The following ETFB variants were observed in gnomAD, a reference collection of about 807,000 sequenced individuals.
The protein encoded by ETFB is beta-ETF.
Under a neutral mutation model 25.6 loss-of-function variants are expected in ETFB, and 20 were observed. The observed-to-expected ratio is 0.78, with a 90% confidence interval of 0.55 to 1.14. The LOEUF (loss-of-function observed/expected upper bound fraction) is 1.14, where lower values mean the gene tolerates loss of function less well. Among genes scored for constraint, ETFB ranks in the 50% most tolerant of loss-of-function variants. ETFB has a pLI of 0.00. For missense variants in ETFB, 286 were observed against 342.6 expected, an observed-to-expected ratio of 0.83 and a Z score of 1.30; for synonymous variants, 142 against 146.7, an observed-to-expected ratio of 0.97 and a Z score of 0.23.
chr19:51,360,796 T>C (rs1334220128), intron 1 of ETFB, among the ~76,000 whole-genome samples: 1 of 152,128 alleles, frequency 6.6e-6, no homozygotes, highest in African/African-American at 2.4e-5. Flanking sequence ...CTCTTTCTCT[T>C]TCTTTTTGAT....
chr19:51,348,536 C>T (rs1985851932), intron 4 of ETFB: 1 of 152,166 alleles, frequency 6.6e-6, no homozygotes, highest in African/African-American at 2.4e-5. Context: ...GAGCAGCTTG[C>T]TTGAGCCCAG....
chr19:51,351,580 C>T (rs1441660800), intron 3 of ETFB, among the ~76,000 whole-genome samples: 1 of 152,246 alleles, frequency 6.6e-6, no homozygotes, highest in Non-Finnish European at 1.5e-5. Context: ...ATGCAGGGGG[C>T]TGCAAAGGCC....
intron 4 of ETFB, 169 bp downstream of exon 4, chr19:51,350,160 G>A (rs1985896782): frequency 7.1e-6 from 5 of 705,090 alleles, no homozygotes; most frequent in African/African-American, 3.5e-5. Flanking sequence ...CTTTGAAGAG[G>A]TGATACCTCA....
chr19:51,351,696 C>A (rs900171535), intron 3 of ETFB, among the ~76,000 whole-genome samples: 2 of 152,212 alleles, frequency 1.3e-5, no homozygotes, highest in Admixed American at 6.5e-5. Context: ...TACTCTGATG[C>A]CCCTGCTGTT....
At chr19:51,349,122 C>A (rs1212914483) in intron 4 of ETFB, among the ~76,000 whole-genome samples, 2 of 152,006 alleles carry the variant, frequency 1.3e-5, no homozygotes, top group Non-Finnish European at 2.9e-5. Context: ...ATAAAATGTG[C>A]TTTATGTTAG....
chr19:51,352,859 C>T (rs1177748476), intron 3 of ETFB, among the ~76,000 whole-genome samples: 1 of 152,158 alleles, frequency 6.6e-6, no homozygotes, highest in African/African-American at 2.4e-5. Flanking sequence ...AACTCTCGAC[C>T]TCAAGTGATC....
intron 1 of ETFB, chr19:51,354,561 T>C (rs1986028822): frequency 6.2e-7 from 1 of 1,614,228 alleles, no homozygotes; most frequent in East Asian, 2.2e-5. Flanking sequence ...TCCCTACTGT[T>C]GTCACTGCTC....
intron 1 of ETFB, 42 bp downstream of exon 1, chr19:51,366,228 G>A (rs771793144): frequency 5.6e-6 from 9 of 1,599,838 alleles, no homozygotes; most frequent in East Asian, 4.5e-5. Flanking sequence ...GGAAGCACAC[G>A]GCTGCGGGAC....
At chr19:51,357,578 C>A (rs1357329243) in intron 1 of ETFB, among the ~76,000 whole-genome samples, 1 of 149,912 alleles carries the variant, frequency 6.7e-6, no homozygotes, top group African/African-American at 2.5e-5. Flanking sequence ...CAACCTCTGC[C>A]TCCCCAGTTC....
intron 3 of ETFB, among the ~76,000 whole-genome samples, chr19:51,352,843 A>G (rs1385864482): frequency 6.6e-6 from 1 of 152,000 alleles, no homozygotes; most frequent in African/African-American, 2.4e-5. Flanking sequence ...GGCCACGCTA[A>G]TCTCAAACTC....
At chr19:51,359,965 G>T (rs1454611967) in intron 1 of ETFB, among the ~76,000 whole-genome samples, 1 of 152,012 alleles carries the variant, frequency 6.6e-6, no homozygotes, top group African/African-American at 2.4e-5. Flanking sequence ...GCTGCAGCGA[G>T]CTGTGACTGT....
intron 1 of ETFB, 178 bp from the exon 2 acceptor site, chr19:51,354,486 C>A: frequency 1.2e-6 from 2 of 1,614,040 alleles, no homozygotes; most frequent in Non-Finnish European, 8.5e-7. Context: ...TAGGCAGGGG[C>A]AGGTCACCCT....
chr19:51,354,895 A>G (rs1986039107), intron 1 of ETFB: 2 of 463,070 alleles, frequency 4.3e-6, no homozygotes, highest in Non-Finnish European at 7.9e-6. Context: ...AGGCACGTAC[A>G]TGGTGGTCTC....
At chr19:51,354,513 C>T in intron 1 of ETFB, 2 of 1,614,214 alleles carry the variant, frequency 1.2e-6, no homozygotes, top group Non-Finnish European at 1.7e-6. Context: ...TTCTCTCATC[C>T]AGCCATTCCT....
chr19:51,364,749 G>A (rs1378375557), intron 1 of ETFB, among the ~76,000 whole-genome samples: 1 of 152,234 alleles, frequency 6.6e-6, no homozygotes, highest in South Asian at 2.1e-4. Context: ...GCTGCCAGAG[G>A]CATCATTAGG....
At chr19:51,354,394 A>G (rs1187409007) in intron 1 of ETFB, 86 bp from the exon 2 acceptor site, 1 of 1,613,944 alleles carries the variant, frequency 6.2e-7, no homozygotes, top group Non-Finnish European at 8.5e-7. Context: ...CCCAGGCTGG[A>G]TGAGGACAAC....
chr19:51,354,562 G>A, intron 1 of ETFB: 1 of 1,614,140 alleles, frequency 6.2e-7, no homozygotes, highest in Non-Finnish European at 8.5e-7. Context: ...CCCTACTGTT[G>A]TCACTGCTCC....
chr19:51,349,445 T>G (rs1985874403), intron 4 of ETFB, among the ~76,000 whole-genome samples: 1 of 44,636 alleles, frequency 2.2e-5, no homozygotes, highest in Non-Finnish European at 4.9e-5. Flanking sequence ...TGTGCCTTGC[T>G]TCTTTTTTTT....
At chr19:51,349,449 T>TC (rs1263737952) in intron 4 of ETFB, among the ~76,000 whole-genome samples, 1 of 148,904 alleles carries the variant, frequency 6.7e-6, no homozygotes, top group Non-Finnish European at 1.5e-5. Context: ...CCTTGCTTCT[T>TC]TTTTTTTTTT....
Sources: allele counts gnomAD v4.1 joint callset (sites outside exome capture counted in the v4.1 genomes callset), GRCh38; gene constraint gnomAD v4.1.1; transcripts MANE v1.5; gene names NCBI Gene and HGNC (gene_info 2026-07-23, HGNC 2026-07-21).